The following UBE2R2 variants were observed in gnomAD, a reference collection of about 807,000 sequenced individuals.
The protein encoded by UBE2R2 is ubiquitin-conjugating enzyme E2 R2.
In UBE2R2, 1 loss-of-function variant was observed where a neutral mutation model predicts 27.8. The ratio of observed to expected loss-of-function variants is 0.04; its 90% CI spans 0.01 to 0.17. The LOEUF (loss-of-function observed/expected upper bound fraction) is 0.17, where lower values mean the gene tolerates loss of function less well. UBE2R2 is among the 10% of genes least tolerant of loss of function. UBE2R2 has a pLI of 1.00. For synonymous variants in UBE2R2, 106 were observed against 113.3 expected (o/e 0.94, Z 0.41); for missense variants, 100 against 291.0 (o/e 0.34, Z 4.78).
intron 1 of UBE2R2, among the ~76,000 whole-genome samples, chr9:33,835,617 T>TAC (rs1423878410): frequency 6.6e-6 from 1 of 151,860 alleles, no homozygotes; most frequent in Non-Finnish European, 1.5e-5. Context: ...CACAGTGGCT[T>TAC]ACACCTGTAA....
At position 33,832,254 on chromosome 9, in the gene UBE2R2, G is replaced by A. The variant is rs1245085239; in HGVS notation, c.177+14320G>A. On this transcript the variant is annotated intron_variant, in intron 1 of 4. Transcript: ENST00000263228. ...ACCCGGGAAGCAGAGGTTGCAGTGA[G>A]CTGAGATTGCGCCATTGCACTCCAG... Among the ~76,000 whole-genome samples the A allele has an allele frequency of 8.6e-5, 13 of 151,646 alleles. No homozygotes were observed. The East Asian group carries it at 2.6e-3, about 30-fold the overall frequency.
At chr9:33,873,549 C>T (rs1046766547) in intron 1 of UBE2R2, among the ~76,000 whole-genome samples, 6 of 152,096 alleles carry the variant, frequency 3.9e-5, no homozygotes, top group Non-Finnish European at 8.8e-5. Flanking sequence ...ATAAGACTCC[C>T]TAAGGCTATC....
At chr9:33,894,627 G>C (rs1231421922) in intron 2 of UBE2R2, among the ~76,000 whole-genome samples, 27 of 152,154 alleles carry the variant, frequency 1.8e-4, no homozygotes, top group Non-Finnish European at 1.5e-5. Context: ...GCCACATGTG[G>C]TGGCTCACAC....
intron 1 of UBE2R2, among the ~76,000 whole-genome samples, chr9:33,849,584 A>T (rs1451185384): frequency 6.6e-6 from 1 of 150,846 alleles, no homozygotes; most frequent in Non-Finnish European, 1.5e-5. Context: ...AAGAGTATGG[A>T]TGGACGCCTG....
chr9:33,817,160 G>A lies in UBE2R2; in HGVS notation c.-598G>A, dbSNP rs1480495440. On this transcript the variant is annotated 5_prime_UTR_variant, in exon 1 of 5. Coordinates refer to ENST00000263228, the MANE Select transcript of UBE2R2 (RefSeq NM_017811.4). The stretch of plus-strand genomic sequence containing the variant: ...TCTCTCCCTCCCTCCCTCCCTCCCT[G>A]CTTCTCGGCTCCGTTGCTCCCGCGG... 9.1e-6 allele frequency among the ~76,000 whole-genome samples: 1 copy of A among 109,714 alleles called. No individual in the cohort carries two copies. The highest frequency in any genetic ancestry group is 3.5e-5 in the African/African-American group (1 of 28,668). The allele number at this position is 109,714 out of a possible 152,430, so 72.0% of individuals were successfully genotyped here. A position where few individuals can be genotyped will look rare whatever the true frequency, so the allele number is the denominator to read the frequency against.
chr9:33,906,009 GTGTT>G (rs1464847915), intron 3 of UBE2R2, among the ~76,000 whole-genome samples: 5 of 152,352 alleles, frequency 3.3e-5, no homozygotes, highest in African/African-American at 7.2e-5. Flanking sequence ...ATCTGCGTGT[GTGTT>G]TGTGTGTGTG....
intron 3 of UBE2R2, among the ~76,000 whole-genome samples, chr9:33,909,340 T>C (rs1020430624): frequency 7.2e-5 from 11 of 152,122 alleles, no homozygotes; most frequent in Admixed American, 6.5e-4. Flanking sequence ...CAAAAAAATT[T>C]GGCCAACTGT....
At chr9:33,908,242 T>C (rs922154377) in intron 3 of UBE2R2, among the ~76,000 whole-genome samples, 17 of 152,204 alleles carry the variant, frequency 1.1e-4, no homozygotes, top group Non-Finnish European at 4.4e-5. Flanking sequence ...GCTGTCAGCT[T>C]TCCTTATTCT....
chr9:33,911,377 G>A (rs1383283069), intron 3 of UBE2R2, among the ~76,000 whole-genome samples: 1 of 110,798 alleles, frequency 9.0e-6, no homozygotes, highest in Non-Finnish European at 1.7e-5. Flanking sequence ...ACTCCAGCCT[G>A]GGGAACAAGA....
chr9:33,878,908 G>C (rs942355241), intron 1 of UBE2R2, among the ~76,000 whole-genome samples: 3 of 152,078 alleles, frequency 2.0e-5, no homozygotes, highest in African/African-American at 7.2e-5. Context: ...GCTGACTTGT[G>C]GCTTATCTGC....
intron 1 of UBE2R2, among the ~76,000 whole-genome samples, chr9:33,864,761 G>C (rs887332679): frequency 7.8e-6 from 1 of 127,390 alleles, no homozygotes; most frequent in South Asian, 2.5e-4. Context: ...TTTCACTCTT[G>C]TTGCCCAGGC....
intron 1 of UBE2R2, among the ~76,000 whole-genome samples, chr9:33,862,588 C>G (rs1353805601): frequency 6.6e-6 from 1 of 152,132 alleles, no homozygotes; most frequent in Non-Finnish European, 1.5e-5. Flanking sequence ...TGCTGACACA[C>G]TTTGCTTATA....
intron 3 of UBE2R2, among the ~76,000 whole-genome samples, chr9:33,904,103 T>C (rs901585025): frequency 6.6e-6 from 1 of 152,226 alleles, no homozygotes; most frequent in African/African-American, 2.4e-5. Flanking sequence ...AGGAAAGCAC[T>C]ACCTAATGAG....
chr9:33,896,598 G>A (rs1415791497), intron 2 of UBE2R2, among the ~76,000 whole-genome samples: 2 of 144,846 alleles, frequency 1.4e-5, no homozygotes, highest in Non-Finnish European at 3.0e-5. Context: ...GCTGTGTCAT[G>A]ACTGGCTATT....
chr9:33,817,989 C>A, intron 1 of UBE2R2, 55 bp downstream of exon 1: 1 of 1,574,556 alleles, frequency 6.4e-7, no homozygotes, highest in African/African-American at 1.4e-5. Flanking sequence ...TCCGGCTCCC[C>A]GCCGCTTTCT....
At chr9:33,883,916 A>C (rs200435007) in intron 1 of UBE2R2, among the ~76,000 whole-genome samples, 1 of 151,920 alleles carries the variant, frequency 6.6e-6, no homozygotes, top group Non-Finnish European at 1.5e-5. Context: ...AAATCCCAGC[A>C]CTTTGGGAGG....
intron 2 of UBE2R2, among the ~76,000 whole-genome samples, chr9:33,887,914 A>C (rs946064968): frequency 6.6e-6 from 1 of 152,160 alleles, no homozygotes. Context: ...TGACCTCGTG[A>C]TCCACCCACC....
In UBE2R2 at chr9:33,913,462, G is replaced by A. The variant is rs556544905; in HGVS notation, c.497+1364G>A. Among the ~76,000 whole-genome samples the A allele has an allele frequency of 2.2e-4, 33 of 151,844 alleles. No individual in the cohort carries two copies. In the South Asian group the frequency reaches 6.7e-3, roughly 31 times the overall value. On this transcript the variant is annotated intron_variant, in intron 4 of 4. Transcript: ENST00000263228. ...ATTTTTGTAGAGATGAGGTCTTGCT[G>A]TGTTGCCCAGCCTGGTCTTGAACTC...
chr9:33,822,029 G>A (rs1825989769), intron 1 of UBE2R2, among the ~76,000 whole-genome samples: 1 of 151,558 alleles, frequency 6.6e-6, no homozygotes, highest in South Asian at 2.1e-4. Flanking sequence ...AGTATTTGTT[G>A]TATACTTAAA....
Sources: gnomAD v4.1 joint callset for allele counts (sites outside exome capture counted in the v4.1 genomes callset) on GRCh38, gnomAD v4.1.1 for gene constraint, MANE v1.5 for transcripts, NCBI Gene and HGNC (gene_info 2026-07-23, HGNC 2026-07-21) for gene names.